GALNTL6: variants seen among roughly 807,000 people sequenced by gnomAD.
GALNTL6 encodes the protein polypeptide N-acetylgalactosaminyltransferase-like 6.
A neutral mutation model predicts 73.7 loss-of-function variants in GALNTL6; 46 were observed. The ratio of observed to expected loss-of-function variants is 0.62; its 90% confidence interval spans 0.49 to 0.80. The LOEUF (loss-of-function observed/expected upper bound fraction) is 0.80, where lower values mean the gene tolerates loss of function less well. GALNTL6 is among the 30% of genes least tolerant of loss of function. The pLI, the probability that GALNTL6 is intolerant of heterozygous loss-of-function variation, is 0.00. For missense variants in GALNTL6, 604 were observed against 755.0 expected (o/e 0.80, Z 2.34); for synonymous variants, 259 against 263.7 (o/e 0.98, Z 0.17).
At chr4:172,576,272 G>C (rs905578826) in intron 5 of GALNTL6, among the ~76,000 whole-genome samples, 2 of 151,756 alleles carry the variant, frequency 1.3e-5, no homozygotes, top group African/African-American at 4.8e-5. Context: ...ACTGTGCTGG[G>C]TATTCATCTA....
chr4:171,884,027 A>G (rs1466998042), intron 2 of GALNTL6, among the ~76,000 whole-genome samples: 1 of 152,178 alleles, frequency 6.6e-6, no homozygotes, highest in Non-Finnish European at 1.5e-5. Context: ...ATTTATATTT[A>G]CATAGAATCC....
intron 5 of GALNTL6, among the ~76,000 whole-genome samples, chr4:172,568,882 CT>C (rs1736662983): frequency 6.6e-6 from 1 of 151,102 alleles, no homozygotes; most frequent in Admixed American, 6.6e-5. Context: ...ACTTCGTAAA[CT>C]TTCTTAAAAC....
intron 5 of GALNTL6, among the ~76,000 whole-genome samples, chr4:172,771,609 C>T (rs138730613): frequency 1.3e-4 from 20 of 152,282 alleles, no homozygotes; most frequent in African/African-American, 4.6e-4. Flanking sequence ...TACTTTGAAT[C>T]ATCGTTTTCT....
chr4:172,882,645 T>C, intron 7 of GALNTL6, 145 bp from the exon 8 acceptor site: 2 of 638,820 alleles, frequency 3.1e-6, no homozygotes, highest in Non-Finnish European at 5.7e-6. Flanking sequence ...ATGAGAACCC[T>C]ATATCCACTT....
chr4:171,920,372 A>T (rs1737751407), intron 2 of GALNTL6, among the ~76,000 whole-genome samples: 1 of 152,134 alleles, frequency 6.6e-6, no homozygotes, highest in Admixed American at 6.6e-5. Context: ...CTAAAACTTA[A>T]AGTATAATTT....
chr4:172,455,669 C>T (rs887855146), intron 5 of GALNTL6, among the ~76,000 whole-genome samples: 1 of 152,194 alleles, frequency 6.6e-6, no homozygotes, highest in Non-Finnish European at 1.5e-5. Context: ...TTCCTCCTCT[C>T]TGGGCAGGTC....
chr4:172,498,907 C>G (rs1056516266), intron 5 of GALNTL6, among the ~76,000 whole-genome samples: 1 of 152,064 alleles, frequency 6.6e-6, no homozygotes, highest in African/African-American at 2.4e-5. Context: ...GTTATGGCTG[C>G]CTTCTAAAAT....
At chr4:171,975,938 T>G (rs947496314) in intron 2 of GALNTL6, among the ~76,000 whole-genome samples, 3 of 152,174 alleles carry the variant, frequency 2.0e-5, no homozygotes, top group Non-Finnish European at 4.4e-5. Flanking sequence ...GCATTTTTTT[T>G]TAAGACGGAA....
chr4:172,979,938 C>T (rs1724141000), intron 10 of GALNTL6, among the ~76,000 whole-genome samples: 1 of 152,226 alleles, frequency 6.6e-6, no homozygotes, highest in South Asian at 2.1e-4. Flanking sequence ...GTTGTTATCT[C>T]TCCTAAGACA....
intron 2 of GALNTL6, among the ~76,000 whole-genome samples, chr4:172,106,233 C>A (rs1294033995): frequency 6.6e-6 from 1 of 152,074 alleles, no homozygotes. Context: ...AATAAAAATA[C>A]AGTTTGGTAA....
At chr4:172,896,040 G>T (rs887718340) in intron 8 of GALNTL6, among the ~76,000 whole-genome samples, 1 of 151,746 alleles carries the variant, frequency 6.6e-6, no homozygotes, top group Non-Finnish European at 1.5e-5. Flanking sequence ...TTTCCTTTAG[G>T]TTCGTTGACT....
intron 2 of GALNTL6, among the ~76,000 whole-genome samples, chr4:171,859,094 C>T (rs995130581): frequency 6.6e-6 from 1 of 152,004 alleles, no homozygotes; most frequent in African/African-American, 2.4e-5. Context: ...TTTGAGAATA[C>T]CTCTCAATGT....
chr4:171,940,658 C>T (rs1000816292), intron 2 of GALNTL6, among the ~76,000 whole-genome samples: 3 of 151,608 alleles, frequency 2.0e-5, no homozygotes, highest in African/African-American at 7.3e-5. Context: ...CACGTCTCTA[C>T]TAAAAAACTA....
intron 4 of GALNTL6, among the ~76,000 whole-genome samples, chr4:172,341,555 C>T (rs1241095096): frequency 2.0e-5 from 3 of 151,922 alleles, no homozygotes; most frequent in Non-Finnish European, 2.9e-5. Flanking sequence ...ATAATTCCCA[C>T]GTGTTGTGGG....
chr4:171,915,720 T>G (rs1294076724), intron 2 of GALNTL6, among the ~76,000 whole-genome samples: 1 of 152,216 alleles, frequency 6.6e-6, no homozygotes, highest in African/African-American at 2.4e-5. Context: ...TTTGCTAGTT[T>G]AGTGTCAAAA....
intron 5 of GALNTL6, among the ~76,000 whole-genome samples, chr4:172,760,852 G>A (rs1364642319): frequency 6.6e-6 from 1 of 152,188 alleles, no homozygotes; most frequent in Non-Finnish European, 1.5e-5. Flanking sequence ...GATTGGTGGT[G>A]TTGGAGGAGC....
intron 2 of GALNTL6, among the ~76,000 whole-genome samples, chr4:171,843,575 C>A (rs1735295561): frequency 6.6e-6 from 1 of 152,102 alleles, no homozygotes; most frequent in Non-Finnish European, 1.5e-5. Flanking sequence ...GTGCTTTTAA[C>A]CGCAAATGGG....
At chr4:171,902,427 AG>A (rs1041497228) in intron 2 of GALNTL6, among the ~76,000 whole-genome samples, 4 of 152,204 alleles carry the variant, frequency 2.6e-5, no homozygotes, top group African/African-American at 9.7e-5. Context: ...ATGAGACTAG[AG>A]GCACCATTGA....
intron 2 of GALNTL6, among the ~76,000 whole-genome samples, chr4:171,819,600 G>A (rs1027295364): frequency 1.3e-5 from 2 of 152,098 alleles, no homozygotes; most frequent in Admixed American, 6.5e-5. Flanking sequence ...TTTGTCAGGA[G>A]TAGCCGTGAC....
Sources: gnomAD v4.1 joint callset for allele counts (sites outside exome capture counted in the v4.1 genomes callset) on GRCh38, gnomAD v4.1.1 for gene constraint, MANE v1.5 for transcripts, NCBI Gene and HGNC (gene_info 2026-07-23, HGNC 2026-07-21) for gene names.